The following VGLL4 variants were observed in gnomAD, a reference collection of about 807,000 sequenced individuals.
VGLL4 encodes the protein vestigial like family member 4, also known as transcription cofactor vestigial-like protein 4.
VGLL4 carries 7 observed loss-of-function variants against 21.0 expected under a neutral mutation model. The observed-to-expected ratio is 0.33, with a 90% CI of 0.19 to 0.63. The LOEUF (loss-of-function observed/expected upper bound fraction) is 0.63. Among genes scored for constraint, VGLL4 ranks in the 20% least tolerant of loss-of-function variants. The pLI is 0.78. For missense variants in VGLL4, 394 were observed against 425.7 expected, an observed-to-expected ratio of 0.93 and a Z score of 0.66; for synonymous variants, 222 against 173.2, an observed-to-expected ratio of 1.28 and a Z score of -2.21.
intron 2 of VGLL4, among the ~76,000 whole-genome samples, chr3:11,578,514 T>A (rs865956390): frequency 6.6e-6 from 1 of 151,942 alleles, no homozygotes; most frequent in African/African-American, 2.4e-5. Context: ...GTTCAATAAA[T>A]TTATTCAGCA....
intron 4 of VGLL4, 40 bp from the exon 5 acceptor site, chr3:11,558,867 G>A (rs765116186): frequency 2.5e-6 from 4 of 1,599,480 alleles, no homozygotes; most frequent in Non-Finnish European, 3.4e-6. Flanking sequence ...GACACAGGTG[G>A]CTGCAGACAG....
intron 3 of VGLL4, among the ~76,000 whole-genome samples, chr3:11,562,661 C>T (rs1193808558): frequency 2.6e-5 from 4 of 152,340 alleles, no homozygotes; most frequent in South Asian, 2.1e-4. Context: ...GCCACGCTGC[C>T]GCAGGAAGGA....
chr3:11,686,874 C>A (rs1330917363), intron 2 of VGLL4, among the ~76,000 whole-genome samples: 1 of 151,988 alleles, frequency 6.6e-6, no homozygotes, highest in Non-Finnish European at 1.5e-5. Flanking sequence ...ATTATAACCA[C>A]CATTATTGTT....
rs772707995 is a variant in VGLL4, at chr3:11,558,626, C to T, written c.821G>A (p.Arg274His). ...GASSSPESAS[R>H]RGQPASPSAH... The stretch of plus-strand genomic sequence containing the variant: ...AGAGGGGCTGGCGGGCTGGCCCCTG[C>T]GAGAGGCGGACTCAGGGCTGCTGGA... The change falls in exon 5 of 5, where the codon CGC becomes CAC. Residue 274 changes from arginine to histidine, a missense_variant. Physicochemically the swap from Arg to His is conservative, Grantham distance 29 (BLOSUM62 0). Transcript: ENST00000430365. 18 of 1,608,642 alleles carry T rather than the reference C, an allele frequency of 1.1e-5. No individual in the cohort carries two copies. The highest frequency in any genetic ancestry group is 3.3e-4 in the Middle Eastern group (2 of 6,082).
intron 2 of VGLL4, among the ~76,000 whole-genome samples, chr3:11,566,116 AG>A (rs942575976): frequency 2.0e-4 from 30 of 152,358 alleles, no homozygotes; most frequent in African/African-American, 7.0e-4. Context: ...CAGCAGCCAC[AG>A]CCCCCGTCCC....
intron 2 of VGLL4, among the ~76,000 whole-genome samples, chr3:11,665,743 GCACTGGAGATTC>G: frequency 6.6e-6 from 1 of 152,350 alleles, no homozygotes; most frequent in African/African-American, 2.4e-5. Context: ...ACTGTGCTAG[GCACTGGAGATTC>G]CACAGTCAAC....
intron 2 of VGLL4, among the ~76,000 whole-genome samples, chr3:11,661,534 GA>G (rs2076039088): frequency 6.6e-6 from 1 of 151,784 alleles, no homozygotes; most frequent in Non-Finnish European, 1.5e-5. Flanking sequence ...GCAGTGGCAT[GA>G]TCCTGGCTCA....
At chr3:11,702,275 G>A (rs942756791) in intron 2 of VGLL4, among the ~76,000 whole-genome samples, 2 of 151,894 alleles carry the variant, frequency 1.3e-5, no homozygotes, top group Non-Finnish European at 2.9e-5. Context: ...AGGAAAGAAC[G>A]ACCTACAATT....
intron 2 of VGLL4, among the ~76,000 whole-genome samples, chr3:11,587,385 G>A (rs2074385573): frequency 6.6e-6 from 1 of 152,214 alleles, no homozygotes; most frequent in Non-Finnish European, 1.5e-5. Flanking sequence ...GAGTGTCTGT[G>A]TTTCTATCAC....
chr3:11,714,518 C>T (rs768206915), intron 1 of VGLL4, among the ~76,000 whole-genome samples: 7 of 150,812 alleles, frequency 4.6e-5, no homozygotes, highest in Non-Finnish European at 8.8e-5. Context: ...TGGTGAAATC[C>T]CATTTCTACT....
rs117655014 is a variant in VGLL4, at chr3:11,669,711, G to A, written c.64+33260C>T. ...TTTCATTTTATAGACACAGGGTATC[G>A]CTCTATAGCCCAGGCTGGAGAACAA... is the stretch of plus-strand genomic sequence containing the variant. On this transcript the variant is annotated intron_variant, in intron 2 of 5. Transcript: ENST00000273038. 1.4e-3 allele frequency among the ~76,000 whole-genome samples: 205 copies of A among 151,398 alleles called. 3 individuals are homozygous for A. In the East Asian group the frequency reaches 0.033, roughly 24 times the overall value.
intron 2 of VGLL4, among the ~76,000 whole-genome samples, chr3:11,664,964 T>C (rs917961224): frequency 6.6e-6 from 1 of 152,046 alleles, no homozygotes; most frequent in Non-Finnish European, 1.5e-5. Flanking sequence ...TCTGGCTCTA[T>C]CACCCAGGCT....
At chr3:11,689,848 G>A (rs963608462) in intron 2 of VGLL4, among the ~76,000 whole-genome samples, 5 of 152,170 alleles carry the variant, frequency 3.3e-5, no homozygotes, top group African/African-American at 1.2e-4. Context: ...AGGCAGAGTG[G>A]GGGACAAACA....
chr3:11,629,801 A>C (rs1399084433), intron 1 of VGLL4, among the ~76,000 whole-genome samples: 7 of 151,864 alleles, frequency 4.6e-5, no homozygotes, highest in African/African-American at 1.5e-4. Context: ...TAGAAAGGGC[A>C]TTCCAAATGG....
At chr3:11,604,273 G>GCGCCCCCACGCCCACC (rs2074880967) in intron 1 of VGLL4, 1 of 587,690 alleles carries the variant, frequency 1.7e-6, no homozygotes, top group Non-Finnish European at 2.0e-6. Context: ...AGCACGGTTT[G>GCGCCCCCACGCCCACC]CCTCATTTGA....
intron 2 of VGLL4, among the ~76,000 whole-genome samples, chr3:11,670,905 C>T (rs1040627908): frequency 7.2e-5 from 11 of 151,920 alleles, no homozygotes; most frequent in South Asian, 4.2e-4. Context: ...GGTGTGGTGG[C>T]GCATGCCTGT....
At chr3:11,606,338 C>G (rs1217606904) in intron 1 of VGLL4, among the ~76,000 whole-genome samples, 2 of 152,204 alleles carry the variant, frequency 1.3e-5, no homozygotes, top group Non-Finnish European at 2.9e-5. Context: ...AGATGTCCAA[C>G]ATCGTCAGCC....
intron 2 of VGLL4, among the ~76,000 whole-genome samples, chr3:11,674,896 A>C (rs7611274): frequency 0.52 from 78,737 of 152,030 alleles, 21,741 homozygotes; most frequent in Non-Finnish European, 0.63. Context: ...TAAGGAATAC[A>C]ACTGGAATGA....
intron 2 of VGLL4, among the ~76,000 whole-genome samples, chr3:11,571,409 T>G (rs550447418): frequency 3.6e-4 from 55 of 152,296 alleles, no homozygotes; most frequent in South Asian, 8.3e-4. Context: ...AGGGGCCAGG[T>G]GCAGTGACTC....
Sources: allele counts gnomAD v4.1 joint callset (sites outside exome capture counted in the v4.1 genomes callset), GRCh38; gene constraint gnomAD v4.1.1; transcripts MANE v1.5; gene names NCBI Gene and HGNC (gene_info 2026-07-23, HGNC 2026-07-21).